NKAIN2: variants seen among roughly 807,000 people sequenced by gnomAD.
The protein encoded by NKAIN2 is sodium/potassium transporting ATPase interacting 2, also known as sodium/potassium-transporting ATPase subunit beta-1-interacting protein 2.
A neutral mutation model predicts 32.6 loss-of-function variants in NKAIN2; 14 were observed. The ratio of observed to expected loss-of-function variants is 0.43; its 90% CI spans 0.28 to 0.67. The LOEUF is 0.67. NKAIN2 is among the 30% of genes least tolerant of loss of function. The pLI, the probability that NKAIN2 is intolerant of heterozygous loss-of-function variation, is 0.17. For synonymous variants in NKAIN2, 80 were observed against 87.2 expected (o/e 0.92, Z 0.46); for missense variants, 198 against 258.3 (o/e 0.77, Z 1.60).
At position 124,382,346 on chromosome 6, in the gene NKAIN2, C is replaced by T. The variant is rs146801596; in HGVS notation, c.273+26999C>T. On this transcript the variant is annotated intron_variant, in intron 3 of 6. Transcript: ENST00000368417. ...CATTTTCCAACTTTTCTCTTTATAT[C>T]CATCATAAATGAAATCAGCAACAGT... Among the ~76,000 whole-genome samples the T allele has an allele frequency of 3.5e-3, 535 of 152,200 alleles. 1 individual carries two copies. Among genetic ancestry groups the T allele is most frequent in the Non-Finnish European group, 4.8e-3 (324 of 68,008 alleles).
At chr6:124,405,673 C>G (rs1013849116) in intron 3 of NKAIN2, among the ~76,000 whole-genome samples, 1 of 151,922 alleles carries the variant, frequency 6.6e-6, no homozygotes, top group African/African-American at 2.4e-5. Flanking sequence ...AGCCACCGCA[C>G]CCGGCAAAAC....
At chr6:124,468,994 C>T (rs559583483) in intron 3 of NKAIN2, among the ~76,000 whole-genome samples, 2 of 152,290 alleles carry the variant, frequency 1.3e-5, no homozygotes, top group East Asian at 3.9e-4. Context: ...CAACATTGCT[C>T]TAATCTACTT....
At chr6:124,122,459 G>A (rs976660125) in intron 1 of NKAIN2, among the ~76,000 whole-genome samples, 2 of 151,936 alleles carry the variant, frequency 1.3e-5, no homozygotes, top group Admixed American at 1.3e-4. Context: ...AGTTTTATAG[G>A]CTATCGTTTT....
chr6:124,250,979 A>T (rs1229814001), intron 1 of NKAIN2, among the ~76,000 whole-genome samples: 2 of 152,008 alleles, frequency 1.3e-5, no homozygotes, highest in African/African-American at 4.8e-5. Context: ...ATGCATTCTA[A>T]AACAGCTAAA....
intron 1 of NKAIN2, among the ~76,000 whole-genome samples, chr6:123,819,837 A>G (rs1773851145): frequency 6.6e-6 from 1 of 152,234 alleles, no homozygotes. Flanking sequence ...CCAGCACTAC[A>G]GATTTATGAG....
chr6:124,084,010 C>T (rs13204086), intron 1 of NKAIN2, among the ~76,000 whole-genome samples: 2,761 of 151,972 alleles, frequency 0.018, 49 homozygotes, highest in Non-Finnish European at 0.026. Context: ...AAAGCTATAA[C>T]AGAAGGTAGA....
intron 1 of NKAIN2, among the ~76,000 whole-genome samples, chr6:124,076,062 A>G (rs534324669): frequency 6.6e-6 from 1 of 152,340 alleles, no homozygotes; most frequent in African/African-American, 2.4e-5. Flanking sequence ...TTAGCTGCCT[A>G]ATGAAGTTGC....
intron 3 of NKAIN2, among the ~76,000 whole-genome samples, chr6:124,629,466 A>C (rs559892474): frequency 1.1e-3 from 175 of 152,258 alleles, no homozygotes; most frequent in African/African-American, 3.9e-3. Context: ...TTAGGCCCCC[A>C]AAAAACTAGT....
At chr6:124,030,693 T>C (rs540758152) in intron 1 of NKAIN2, among the ~76,000 whole-genome samples, 1 of 152,318 alleles carries the variant, frequency 6.6e-6, no homozygotes, top group South Asian at 2.1e-4. Flanking sequence ...ACAGATGACT[T>C]CACAATTACA....
chr6:124,289,044 T>C (rs755992865), intron 2 of NKAIN2, among the ~76,000 whole-genome samples: 1 of 152,196 alleles, frequency 6.6e-6, no homozygotes, highest in Non-Finnish European at 1.5e-5. Context: ...CATCAAATGA[T>C]GGTTAGAAAG....
At chr6:124,430,155 G>T (rs332632) in intron 3 of NKAIN2, among the ~76,000 whole-genome samples, 22,183 of 152,062 alleles carry the variant, frequency 0.15, 1,993 homozygotes, top group East Asian at 0.24. Flanking sequence ...AATTCCTTGA[G>T]GAAATTTACA....
chr6:124,236,150 A>G (rs1178512981), intron 1 of NKAIN2, among the ~76,000 whole-genome samples: 1 of 152,146 alleles, frequency 6.6e-6, no homozygotes, highest in African/African-American at 2.4e-5. Flanking sequence ...GGTTAACTCT[A>G]TTAAATCCAT....
At chr6:124,088,301 A>G (rs1472281130) in intron 1 of NKAIN2, among the ~76,000 whole-genome samples, 1 of 151,974 alleles carries the variant, frequency 6.6e-6, no homozygotes, top group African/African-American at 2.4e-5. Flanking sequence ...GTATGCCTGT[A>G]TCCCAGCTAC....
At chr6:124,226,489 A>G (rs776074702) in intron 1 of NKAIN2, among the ~76,000 whole-genome samples, 1 of 151,996 alleles carries the variant, frequency 6.6e-6, no homozygotes, top group Non-Finnish European at 1.5e-5. Flanking sequence ...CTATTGTTGA[A>G]TCACTAACAG....
chr6:124,745,940 A>C (rs6910069), intron 4 of NKAIN2, among the ~76,000 whole-genome samples: 13 of 151,848 alleles, frequency 8.6e-5, no homozygotes, highest in African/African-American at 3.1e-4. Flanking sequence ...GTCAAAGGCC[A>C]GAAAGAGCAA....
intron 3 of NKAIN2, among the ~76,000 whole-genome samples, chr6:124,522,960 G>A (rs192389875): frequency 0.026 from 3,979 of 150,192 alleles, 184 homozygotes; most frequent in African/African-American, 0.093. Flanking sequence ...CGGCTAAAAC[G>A]GTGAAACCCC....
chr6:124,664,193 T>C (rs369045917), intron 4 of NKAIN2, among the ~76,000 whole-genome samples: 1 of 151,860 alleles, frequency 6.6e-6, no homozygotes, highest in Admixed American at 6.6e-5. Flanking sequence ...GAGAATTGCC[T>C]GGACCCGGGA....
chr6:124,247,849 A>G (rs1413913478), intron 1 of NKAIN2, among the ~76,000 whole-genome samples: 5 of 152,130 alleles, frequency 3.3e-5, no homozygotes, highest in Non-Finnish European at 5.9e-5. Context: ...TTCCGCTGCT[A>G]TCATTCAGAT....
At chr6:123,857,438 C>G (rs1775598784) in intron 1 of NKAIN2, among the ~76,000 whole-genome samples, 1 of 152,040 alleles carries the variant, frequency 6.6e-6, no homozygotes, top group South Asian at 2.1e-4. Context: ...CATAATAGCA[C>G]CAATGTGTAT....
Sources: allele counts gnomAD v4.1 joint callset (sites outside exome capture counted in the v4.1 genomes callset), GRCh38; gene constraint gnomAD v4.1.1; transcripts MANE v1.5; gene names NCBI Gene and HGNC (gene_info 2026-07-23, HGNC 2026-07-21).